The following DYM variants were observed in gnomAD, a reference collection of about 807,000 sequenced individuals.
DYM encodes dyggve-Melchior-Clausen syndrome protein.
In DYM, 78 loss-of-function variants were observed where a neutral mutation model predicts 93.1. That is an observed-to-expected ratio of 0.84 (90% CI 0.70 to 1.01). DYM has a LOEUF of 1.01. Ranked by LOEUF, DYM falls within the 50% of genes least tolerant of loss-of-function variation. The pLI is 0.00. For missense variants in DYM, 789 were observed against 845.0 expected, an observed-to-expected ratio of 0.93 and a Z score of 0.82; for synonymous variants, 321 against 319.7, an observed-to-expected ratio of 1.00 and a Z score of -0.04.
At chr18:49,102,942 T>G (rs914206262) in intron 16 of DYM, among the ~76,000 whole-genome samples, 36 of 152,326 alleles carry the variant, frequency 2.4e-4, no homozygotes, top group East Asian at 1.5e-3. Flanking sequence ...GTAATGGGAT[T>G]GCTGGGTCAA....
At chr18:49,221,762 G>C (rs9635894) in intron 13 of DYM, among the ~76,000 whole-genome samples, 89,405 of 151,680 alleles carry the variant, frequency 0.59, 28,719 homozygotes, top group Non-Finnish European at 0.74. Context: ...GTTGTGGGGT[G>C]GGGGAAGGAG....
At chr18:49,171,475 T>C (rs1044797244) in intron 14 of DYM, among the ~76,000 whole-genome samples, 1 of 152,106 alleles carries the variant, frequency 6.6e-6, no homozygotes, top group African/African-American at 2.4e-5. Flanking sequence ...AACCTAGGTG[T>C]AGAGAGTTAG....
In DYM at chr18:49,339,656, G is replaced by C. The variant is rs551773630; in HGVS notation, c.495-5803C>G. On this transcript the variant is annotated intron_variant, in intron 6 of 17. Transcript: ENST00000675505. The stretch of plus-strand genomic sequence containing the variant: ...GTCCCCCAGCTGAGGCTTCAAGTGA[G>C]ACCAGAGCCCCAGCTTGACTACAAC... Among the ~76,000 whole-genome samples the C allele has an allele frequency of 1.9e-4, 29 of 152,328 alleles. No homozygotes were observed. The South Asian group carries it at 5.6e-3, about 29-fold the overall frequency.
intron 3 of DYM, among the ~76,000 whole-genome samples, chr18:49,387,683 T>TTTATAAAAATA (rs2068770898): frequency 6.6e-6 from 1 of 152,196 alleles, no homozygotes; most frequent in Non-Finnish European, 1.5e-5. Flanking sequence ...TTAAGATACA[T>TTTATAAAAATA]ACATTTAACA....
intron 5 of DYM, 62 bp from the exon 6 acceptor site, chr18:49,363,295 G>C: frequency 8.4e-7 from 1 of 1,187,306 alleles, no homozygotes. Context: ...CAGTTGTTCA[G>C]AAGTTACATT....
intron 15 of DYM, among the ~76,000 whole-genome samples, chr18:49,159,088 T>A (rs1286972240): frequency 6.6e-6 from 1 of 152,218 alleles, no homozygotes; most frequent in Non-Finnish European, 1.5e-5. Flanking sequence ...TGTATGTATA[T>A]CTTTGTATTA....
intron 14 of DYM, among the ~76,000 whole-genome samples, chr18:49,175,316 T>G (rs1169349092): frequency 2.6e-5 from 4 of 152,212 alleles, no homozygotes; most frequent in African/African-American, 9.6e-5. Flanking sequence ...GTCGGTATTC[T>G]TGCCTTACAA....
chr18:49,119,235 T>C (rs1599880798), intron 15 of DYM, among the ~76,000 whole-genome samples: 1 of 152,226 alleles, frequency 6.6e-6, no homozygotes. Flanking sequence ...TCCATATTGG[T>C]ATTCTCATTA....
At chr18:49,450,423 A>G (rs58514158) in intron 1 of DYM, among the ~76,000 whole-genome samples, 3,637 of 152,346 alleles carry the variant, frequency 0.024, 139 homozygotes, top group African/African-American at 0.081. Flanking sequence ...GTAAAGGATG[A>G]TGAAAGATTT....
chr18:49,353,119 T>C (rs1272903331), intron 6 of DYM, among the ~76,000 whole-genome samples: 2 of 152,076 alleles, frequency 1.3e-5, no homozygotes, highest in Non-Finnish European at 2.9e-5. Flanking sequence ...ACAATAAATA[T>C]ACTCAAAGAA....
At chr18:49,450,836 G>T (rs1353483770) in intron 1 of DYM, among the ~76,000 whole-genome samples, 2 of 152,104 alleles carry the variant, frequency 1.3e-5, no homozygotes, top group Non-Finnish European at 2.9e-5. Flanking sequence ...TGGAAATTTT[G>T]TCATGCACAG....
Position 49,333,782 on chromosome 18 carries a change from T to C in DYM, c.566A>G (p.His189Arg), listed in dbSNP as rs2063480726. ...GATGCTCTGTCGCAAAACTTCTTTG[T>C]GGAAGAGTTGGCAGGAAAGGAAAAC... Reference protein sequence around the residue: ...MVVFLSCQLFHKEVLRQSISH... With the variant: ...MVVFLSCQLFRKEVLRQSISH... Residue 189 changes from histidine to arginine, a missense_variant, in exon 7 of 18, where the codon CAC (histidine) becomes CGC (arginine). Coordinates refer to ENST00000675505, the MANE Select transcript of DYM (RefSeq NM_001353214.3). The C allele has an allele frequency of 8.1e-6, 13 of 1,613,984 alleles. No homozygotes were observed. The highest frequency in any genetic ancestry group is 2.2e-5 in the East Asian group (1 of 44,870).
chr18:49,099,916 T>C (rs748658369), intron 16 of DYM, among the ~76,000 whole-genome samples: 2 of 152,218 alleles, frequency 1.3e-5, no homozygotes, highest in Non-Finnish European at 2.9e-5. Flanking sequence ...TCTTTTGTCA[T>C]ATGTGCTTAT....
intron 2 of DYM, among the ~76,000 whole-genome samples, chr18:49,424,934 G>C (rs1729530516): frequency 6.6e-6 from 1 of 152,144 alleles, no homozygotes; most frequent in South Asian, 2.1e-4. Context: ...CTCATGGATA[G>C]GAAGAATCAA....
Position 49,163,741 on chromosome 18 carries a change from C to T in DYM, c.1672G>A (p.Ala558Thr), listed in dbSNP as rs149163150. 1.3e-5 allele frequency: 21 copies of T among 1,612,770 alleles called. No individual in the cohort carries two copies. In the East Asian group the frequency reaches 4.7e-4, roughly 36 times the overall value. The part of the protein sequence containing the change: ...SKKHNKVLEQ[A>T]TQSLRGSLSS... Reference sequence around the variant, plus strand: ...AGCGAACCTCTCAAGGACTGTGTGGCTTGTTCCAGAACTTTGTTGTGTTTT... The same window carrying T: ...AGCGAACCTCTCAAGGACTGTGTGGTTTGTTCCAGAACTTTGTTGTGTTTT... The change falls in exon 15 of 18, where the codon GCC becomes ACC. Residue 558 changes from alanine to threonine, a missense_variant. By Grantham distance (58) the Ala-to-Thr change is moderately conservative. Around this residue, in one of 3 missense-constraint regions of DYM, gnomAD observed 225 missense variants for 303.0 expected, o/e 0.74. Coordinates refer to ENST00000675505, the MANE Select transcript of DYM (RefSeq NM_001353214.3).
At chr18:49,418,937 G>C (rs1413703675) in intron 2 of DYM, among the ~76,000 whole-genome samples, 1 of 152,168 alleles carries the variant, frequency 6.6e-6, no homozygotes, top group Admixed American at 6.5e-5. Context: ...CTCACTTGTG[G>C]CGGTGGGGGT....
intron 15 of DYM, among the ~76,000 whole-genome samples, chr18:49,121,219 T>C (rs139889486): frequency 1.8e-4 from 27 of 152,338 alleles, no homozygotes; most frequent in African/African-American, 5.8e-4. Context: ...ATGGTAATGC[T>C]AGAAATTTTG....
At chr18:49,147,893 T>C (rs948047308) in intron 15 of DYM, among the ~76,000 whole-genome samples, 95 of 152,146 alleles carry the variant, frequency 6.2e-4, no homozygotes, top group Non-Finnish European at 9.1e-4. Context: ...CACATGCACG[T>C]GTATGTTTAT....
intron 14 of DYM, among the ~76,000 whole-genome samples, chr18:49,175,788 T>C (rs1291195605): frequency 6.6e-6 from 1 of 152,134 alleles, no homozygotes; most frequent in Admixed American, 6.6e-5. Flanking sequence ...TTCAACACTA[T>C]AAAGAAAACA....
Sources: gnomAD v4.1 joint callset for allele counts (sites outside exome capture counted in the v4.1 genomes callset) on GRCh38, gnomAD v4.1.1 for gene constraint, gnomAD v4.1.1 regional missense constraint, MANE v1.5 for transcripts, NCBI Gene and HGNC (gene_info 2026-07-23, HGNC 2026-07-21) for gene names.